The following ZNF680 variants were observed in gnomAD, a reference collection of about 807,000 sequenced individuals.
ZNF680 encodes hypothetical protein FLJ90430.
A neutral mutation model predicts 12.1 loss-of-function variants in ZNF680; 6 were observed. The ratio of observed to expected loss-of-function variants is 0.49; its 90% CI spans 0.27 to 0.98. The LOEUF is 0.98. Among genes scored for constraint, ZNF680 ranks in the 50% least tolerant of loss-of-function variants. The pLI is 0.12. For missense variants in ZNF680, 561 were observed against 616.3 expected (o/e 0.91, Z 0.95); for synonymous variants, 170 against 199.3 (o/e 0.85, Z 1.24).
chr7:64,546,123 G>A (rs1786773531), intron 1 of ZNF680, among the ~76,000 whole-genome samples: 1 of 152,176 alleles, frequency 6.6e-6, no homozygotes, highest in African/African-American at 2.4e-5. Context: ...ATTGAGTAGA[G>A]AAGTAAAGGT....
chr7:64,556,850 T>G (rs184639105), intron 1 of ZNF680, among the ~76,000 whole-genome samples: 1 of 152,242 alleles, frequency 6.6e-6, no homozygotes, highest in East Asian at 1.9e-4. Context: ...CAAAGCAAAC[T>G]ATCAATAGAG....
the ZNF680 span, among the ~76,000 whole-genome samples, chr7:64,499,493 G>C: frequency 6.6e-6 from 1 of 152,204 alleles, no homozygotes; most frequent in Non-Finnish European, 1.5e-5. Flanking sequence ...CACGGTGGCT[G>C]ACGCCTGTAA....
chr7:64,506,574 A>AT, the ZNF680 span, among the ~76,000 whole-genome samples: 8 of 152,194 alleles, frequency 5.3e-5, no homozygotes, highest in African/African-American at 1.9e-4. Context: ...TATTCACAAC[A>AT]AATATTAACT....
chr7:64,540,831 T>A (rs955651897), intron 3 of ZNF680, among the ~76,000 whole-genome samples: 1 of 152,174 alleles, frequency 6.6e-6, no homozygotes, highest in African/African-American at 2.4e-5. Context: ...AATTACAATA[T>A]TTGACTATGT....
rs1791485037 is a variant in ZNF680, at chr7:64,520,763, CCCT to C, written c.*395_*397del. 1 of 160,690 alleles carries C rather than the reference CCCT, an allele frequency of 6.2e-6. No homozygotes were observed. The highest frequency in any genetic ancestry group is 2.4e-5 in the African/African-American group (1 of 41,468). The allele number at this position is 160,690 out of a possible 1,614,324, so 10.0% of individuals were successfully genotyped here. A position where few individuals can be genotyped will look rare whatever the true frequency, so the allele number is the denominator to read the frequency against. On this transcript the variant is annotated 3_prime_UTR_variant, in exon 4 of 4. Coordinates refer to ENST00000309683, the MANE Select transcript of ZNF680 (RefSeq NM_178558.5). Reference sequence around the variant, plus strand: ...TGTAATACAAGTAAAGGTACTACAACCCTCCTATGCTCCTTATATTTGTTATGT... The same window carrying C: ...TGTAATACAAGTAAAGGTACTACAACCCTATGCTCCTTATATTTGTTATGT...
intron 1 of ZNF680, among the ~76,000 whole-genome samples, chr7:64,559,687 G>A (rs1363778898): frequency 6.6e-6 from 1 of 152,016 alleles, no homozygotes; most frequent in African/African-American, 2.4e-5. Flanking sequence ...TCACCATGTT[G>A]TCCAGGCTGG....
the ZNF680 span, chr7:64,501,260 C>T: frequency 1.1e-6 from 1 of 919,196 alleles, no homozygotes; most frequent in Non-Finnish European, 1.8e-6. Context: ...CCTCCTCCTC[C>T]TCCTATTGCT....
At chr7:64,508,427 C>T in the ZNF680 span, among the ~76,000 whole-genome samples, 2,676 of 152,080 alleles carry the variant, frequency 0.018, 85 homozygotes, top group African/African-American at 0.06. Flanking sequence ...ACATGGGTTA[C>T]GAACTACTGA....
the ZNF680 span, among the ~76,000 whole-genome samples, chr7:64,510,257 T>C: frequency 6.6e-6 from 1 of 151,488 alleles, no homozygotes; most frequent in Non-Finnish European, 1.5e-5. Flanking sequence ...CTAATATGCA[T>C]TTTAAAAAGC....
At position 64,522,436 on chromosome 7, in the gene ZNF680, T is replaced by C. The variant is rs1791597313; in HGVS notation, c.318A>G (p.Lys106=). Residue 106 remains lysine (K), a synonymous_variant, in exon 4 of 4, where the codon AAA becomes AAG. Transcript: ENST00000309683. ...PEHSIKDSFQ[K]VILRGYGKCG... is the part of the protein sequence containing the mutation. ...ATTTTCCATATCCTCTCAGTATCAC[T>C]TTTTGAAAAGAATCTTTTATGCTAT... is the stretch of plus-strand genomic sequence containing the variant. The C allele has an allele frequency of 1.2e-6, 2 of 1,600,694 alleles. No individual in the cohort carries two copies. The highest frequency in any genetic ancestry group is 2.3e-5 in the South Asian group (2 of 88,106).
chr7:64,539,963 C>G (rs993448528), intron 3 of ZNF680, among the ~76,000 whole-genome samples: 1 of 152,084 alleles, frequency 6.6e-6, no homozygotes, highest in African/African-American at 2.4e-5. Context: ...GAAATGTACA[C>G]TTCAATGAAT....
At chr7:64,555,439 A>C (rs1003246673) in intron 1 of ZNF680, among the ~76,000 whole-genome samples, 1 of 152,148 alleles carries the variant, frequency 6.6e-6, no homozygotes, top group Admixed American at 6.5e-5. Context: ...TAAAGCAGAA[A>C]TCAAGTTCAT....
At chr7:64,500,770 T>C in the ZNF680 span, 1 of 318,404 alleles carries the variant, frequency 3.1e-6, no homozygotes. Flanking sequence ...CAGAATCGAA[T>C]CTCTTCTCCC....
At position 64,528,098 on chromosome 7, in the gene ZNF680, A is replaced by G. The variant is rs547221544; in HGVS notation, c.254-5598T>C. Among the ~76,000 whole-genome samples, 26 of 150,452 alleles carry G rather than the reference A, an allele frequency of 1.7e-4. No individual in the cohort carries two copies. The South Asian group carries it at 4.5e-3, about 26-fold the overall frequency. On this transcript the variant is annotated intron_variant, in intron 3 of 3. Transcript: ENST00000309683. ...GCCGACCTTACCTGGAGGTGAGTCA[A>G]TTGAGAGCCAAGTGAAATATGGGGG...
In ZNF680 at chr7:64,521,038, G is replaced by A; in HGVS notation, c.*123C>T. ...TTGTCACATTCTTTACACTTATAAA[G>A]TTTTCTCCAATATAAATTATCTTAC... On this transcript the variant is annotated 3_prime_UTR_variant, in exon 4 of 4. Transcript: ENST00000309683. 1.8e-6 allele frequency: 2 copies of A among 1,114,398 alleles called. No individual in the cohort carries two copies. The highest frequency in any genetic ancestry group is 2.5e-6 in the Non-Finnish European group (2 of 790,126). The allele number at this position is 1,114,398 out of a possible 1,614,324, so 69.0% of individuals were successfully genotyped here. A position where few individuals can be genotyped will look rare whatever the true frequency, so the allele number is the denominator to read the frequency against.
At chr7:64,554,893 T>G (rs1787322952) in intron 1 of ZNF680, among the ~76,000 whole-genome samples, 1 of 152,046 alleles carries the variant, frequency 6.6e-6, no homozygotes, top group African/African-American at 2.4e-5. Context: ...CAGAGACCTT[T>G]GTTCACATGT....
intron 3 of ZNF680, among the ~76,000 whole-genome samples, chr7:64,533,727 G>T (rs968619693): frequency 2.0e-5 from 3 of 152,186 alleles, no homozygotes; most frequent in African/African-American, 7.2e-5. Flanking sequence ...CTAAGCAAAA[G>T]AATAAATCTG....
At chr7:64,549,324 T>G (rs558160927) in intron 1 of ZNF680, among the ~76,000 whole-genome samples, 7 of 152,278 alleles carry the variant, frequency 4.6e-5, no homozygotes, top group African/African-American at 1.7e-4. Context: ...TTGTTTACAC[T>G]TAGGGATTCT....
At chr7:64,501,108 A>C in the ZNF680 span, 1 of 974,146 alleles carries the variant, frequency 1.0e-6, no homozygotes, top group Non-Finnish European at 1.6e-6. Flanking sequence ...GAGGAAAAGC[A>C]GGTGTGAAAT....
Sources: allele counts gnomAD v4.1 joint callset (sites outside exome capture counted in the v4.1 genomes callset), GRCh38; gene constraint gnomAD v4.1.1; transcripts MANE v1.5; gene names NCBI Gene and HGNC (gene_info 2026-07-23, HGNC 2026-07-21).